Variants in RIPK4 observed in about 807,000 individuals in gnomAD.
The protein encoded by RIPK4 is receptor interacting serine/threonine kinase 4.
Under a neutral mutation model 42.9 loss-of-function variants are expected in RIPK4, and 17 were observed. That is an observed-to-expected ratio of 0.40 (90% confidence interval 0.27 to 0.59). The LOEUF is 0.59. RIPK4 is among the 20% of genes least tolerant of loss of function. RIPK4 has a pLI of 0.47. For synonymous variants in RIPK4, 498 were observed against 499.1 expected, an observed-to-expected ratio of 1.00 and a Z score of 0.03; for missense variants, 897 against 1,104.4, an observed-to-expected ratio of 0.81 and a Z score of 2.66.
intron 1 of RIPK4, among the ~76,000 whole-genome samples, chr21:41,760,440 G>T (rs2061217251): frequency 1.3e-5 from 2 of 152,188 alleles, no homozygotes; most frequent in Non-Finnish European, 2.9e-5. Context: ...GAGCTATGGA[G>T]AATCAAGAGA....
At chr21:41,757,917 T>C (rs954759836) in intron 1 of RIPK4, among the ~76,000 whole-genome samples, 1 of 144,000 alleles carries the variant, frequency 6.9e-6, no homozygotes, top group Non-Finnish European at 1.5e-5. Flanking sequence ...GAGAATCACT[T>C]GAACCTGGGA....
At position 41,740,942 on chromosome 21, in the gene RIPK4, C is replaced by T. The variant is rs1397981652; in HGVS notation, c.2251G>A (p.Val751Met). ...GCCCCATGCCTGAGCAGAGTCTCCACCGTCTGTGCGTGCCGGCCCTGGGCG... is the reference window on the plus strand; with the variant it reads ...GCCCCATGCCTGAGCAGAGTCTCCATCGTCTGTGCGTGCCGGCCCTGGGCG... ...LAAQGRHAQT[V>M]ETLLRHGAHI... The change falls in exon 8 of 8, where the codon GTG becomes ATG. Residue 751 changes from valine (V) to methionine (M), a missense_variant. Val to Met is a conservative substitution (Grantham distance 21). Coordinates refer to ENST00000332512, the MANE Select transcript of RIPK4 (RefSeq NM_020639.3). The T allele has an allele frequency of 3.7e-6, 6 of 1,612,646 alleles. No individual in the cohort carries two copies. The highest frequency in any genetic ancestry group is 1.7e-5 in the Admixed American group (1 of 60,020).
At position 41,746,181 on chromosome 21, in the gene RIPK4, G is replaced by A. The variant is rs76148570; in HGVS notation, c.833-319C>T. 5,315 of 637,444 alleles carry A rather than the reference G, an allele frequency of 8.3e-3. 194 individuals are homozygous for A. The highest frequency in any genetic ancestry group is 0.082 in the African/African-American group (4,613 of 56,114). The allele number at this position is 637,444 out of a possible 1,614,324, so 39.5% of individuals were successfully genotyped here. On this transcript the variant is annotated intron_variant, in intron 5 of 7. Transcript: ENST00000332512. ...CCATTCAGCCCGTTTCCTGCCGTAA[G>A]CTTTAAATGCAGCAGTTTCCATCTC...
intron 5 of RIPK4, among the ~76,000 whole-genome samples, chr21:41,746,355 G>A (rs2061171207): frequency 1.3e-5 from 2 of 152,246 alleles, no homozygotes; most frequent in South Asian, 4.1e-4. Context: ...AGACTCCTCT[G>A]GGTGGCAAGC....
In RIPK4 at chr21:41,751,196, T is replaced by A. The variant is rs770200458; in HGVS notation, c.524A>T (p.Asp175Val). ...AKCNGLSHSHDLSMDGLFGTI... is the reference protein window; with the variant it reads ...AKCNGLSHSHVLSMDGLFGTI... ...GCCAAACAGGCCATCCATGCTGAGGTCATGCGAGTGGGACAGCCCGTTGCA... is the reference window on the plus strand; with the variant it reads ...GCCAAACAGGCCATCCATGCTGAGGACATGCGAGTGGGACAGCCCGTTGCA... The change falls in exon 3 of 8, where the codon GAC becomes GTC. Residue 175 changes from aspartate to valine, a missense_variant. By Grantham distance (152) the Asp-to-Val change is radical. Transcript: ENST00000332512. The surrounding 1 kb of genome is among the most constrained non-coding windows in gnomAD (Gnocchi z 4.5). The A allele has an allele frequency of 1.2e-6, 2 of 1,614,012 alleles. No homozygotes were observed. The highest frequency in any genetic ancestry group is 1.7e-6 in the Non-Finnish European group (2 of 1,180,016).
In RIPK4 at chr21:41,751,013, C is replaced by A; in HGVS notation, c.623+84G>T. On this transcript the variant is annotated intron_variant, in intron 3 of 7. Transcript: ENST00000332512. This position sits in a 1 kb window ranked among gnomAD's most constrained non-coding sequence, Gnocchi z 4.5. Reference sequence around the variant, plus strand: ...TTCTGACTGGCAGCAAGAGGCCTTTCTGAAAGCTGCAGCTCAGGGCATGAA... The same window carrying A: ...TTCTGACTGGCAGCAAGAGGCCTTTATGAAAGCTGCAGCTCAGGGCATGAA... The A allele has an allele frequency of 3.3e-6, 5 of 1,518,338 alleles. No individual in the cohort carries two copies. The highest frequency in any genetic ancestry group is 4.4e-6 in the Non-Finnish European group (5 of 1,127,352). 94.1% of individuals were successfully genotyped at this position (1,518,338 alleles called of 1,614,324 possible).
intron 4 of RIPK4, among the ~76,000 whole-genome samples, chr21:41,747,261 G>T (rs1158159807): frequency 6.6e-6 from 1 of 152,194 alleles, no homozygotes; most frequent in Non-Finnish European, 1.5e-5. Flanking sequence ...CAGGTCCCCA[G>T]CTGGCCTCCC....
chr21:41,741,283 G>A lies in RIPK4; in HGVS notation c.1910C>T (p.Ala637Val). The change falls in exon 8 of 8, where the codon GCA becomes GTA. Residue 637 changes from alanine to valine, a missense_variant. Transcript: ENST00000332512. Reference protein sequence around the residue: ...CSDVNVCSLLAQTPLHVAAET... With the variant: ...CSDVNVCSLLVQTPLHVAAET... ...CGCGGCCACGTGCAGGGGTGTCTGT[G>A]CCAGCAGGCTGCAGACGTTGACGTC... 2 of 1,608,118 alleles carry A rather than the reference G, an allele frequency of 1.2e-6. No individual in the cohort carries two copies. The highest frequency in any genetic ancestry group is 1.7e-6 in the Non-Finnish European group (2 of 1,179,652).
chr21:41,758,728 T>G (rs958530172), intron 1 of RIPK4, among the ~76,000 whole-genome samples: 3 of 152,262 alleles, frequency 2.0e-5, no homozygotes, highest in Non-Finnish European at 2.9e-5. Context: ...GCTTTTGCAC[T>G]TCAAAGGGGA....
At chr21:41,756,955 G>A in intron 1 of RIPK4, 139 bp from the exon 2 acceptor site, 1 of 835,304 alleles carries the variant, frequency 1.2e-6, no homozygotes, top group Middle Eastern at 2.7e-4. Flanking sequence ...ACACTTCAAT[G>A]TCACATCACG....
chr21:41,763,430 C>G (rs530639843), intron 1 of RIPK4, among the ~76,000 whole-genome samples: 1 of 152,074 alleles, frequency 6.6e-6, no homozygotes, highest in Non-Finnish European at 1.5e-5. Flanking sequence ...CCTGCAAGCA[C>G]GCATCCTGGA....
chr21:41,750,107 A>T (rs1239814868), intron 3 of RIPK4, among the ~76,000 whole-genome samples: 1 of 152,198 alleles, frequency 6.6e-6, no homozygotes, highest in Non-Finnish European at 1.5e-5. Context: ...CCAAAGTGAC[A>T]CTTCCAGGCA....
chr21:41,764,200 G>A (rs2061229508), intron 1 of RIPK4, among the ~76,000 whole-genome samples: 1 of 152,202 alleles, frequency 6.6e-6, no homozygotes, highest in Admixed American at 6.5e-5. Flanking sequence ...AAGCTCACAT[G>A]GCCTGGCGCA....
chr21:41,743,142 C>T (rs2061159808), intron 7 of RIPK4, among the ~76,000 whole-genome samples: 1 of 152,116 alleles, frequency 6.6e-6, no homozygotes, highest in Admixed American at 6.5e-5. Context: ...GGCCCTCAGC[C>T]CCCGTGGCTG....
At position 41,749,351 on chromosome 21, in the gene RIPK4, A is replaced by G. The variant is rs558364738; in HGVS notation, c.624-148T>C. 1.4e-5 allele frequency: 11 copies of G among 773,366 alleles called. No homozygotes were observed. In the Admixed American group the frequency reaches 2.5e-4, roughly 17 times the overall value. The allele number at this position is 773,366 out of a possible 1,614,324, so 47.9% of individuals were successfully genotyped here. A position where few individuals can be genotyped will look rare whatever the true frequency, so the allele number is the denominator to read the frequency against. ...CCGAGATATTTCTCCTGTTTTTAAA[A>G]AGAGAAAATTCTCTATAGTGAAGCC... is the stretch of plus-strand genomic sequence containing the variant. On this transcript the variant is annotated intron_variant, in intron 3 of 7. Transcript: ENST00000332512.
chr21:41,763,309 G>A (rs1379598445), intron 1 of RIPK4, among the ~76,000 whole-genome samples: 1 of 151,600 alleles, frequency 6.6e-6, no homozygotes, highest in African/African-American at 2.4e-5. Context: ...AGAAATACGA[G>A]AAATATCATC....
rs1372719804 is a variant in RIPK4 at position 41,744,120 on chromosome 21, C to A, written c.957G>T (p.Lys319Asn). The A allele has an allele frequency of 6.3e-7, 1 of 1,598,088 alleles. No individual in the cohort carries two copies. The highest frequency in any genetic ancestry group is 2.2e-5 in the East Asian group (1 of 44,498). ...TATCGAAGGTGGGGGCAGAGGCCCG[C>A]TTGAGCCTCGCAGGCACCACCTGCG... The part of the protein sequence containing the change: ...PRSEVVPARL[K>N]RASAPTFDND... The change falls in exon 7 of 8, where the codon AAG becomes AAT. Residue 319 changes from lysine (K) to asparagine (N), a missense_variant. Coordinates refer to ENST00000332512, the MANE Select transcript of RIPK4 (RefSeq NM_020639.3).
At chr21:41,761,195 T>TC (rs1364896804) in intron 1 of RIPK4, among the ~76,000 whole-genome samples, 1 of 152,156 alleles carries the variant, frequency 6.6e-6, no homozygotes, top group African/African-American at 2.4e-5. Flanking sequence ...GATGCCAACG[T>TC]CAAGCATCAG....
Position 41,761,468 on chromosome 21 carries a change from G to A in RIPK4, c.183-4652C>T, listed in dbSNP as rs114413205. Among the ~76,000 whole-genome samples the A allele has an allele frequency of 3.4e-3, 523 of 152,294 alleles. 4 individuals are homozygous for A. The highest frequency in any genetic ancestry group is 0.012 in the African/African-American group (504 of 41,550). ...ATTGCTCAAATGTGGCCAGCTTGCC[G>A]CCCCTCCCCTACCAGTGTGGCCTCC... is the stretch of plus-strand genomic sequence containing the variant. On this transcript the variant is annotated intron_variant, in intron 1 of 7. Transcript: ENST00000332512.
Sources: allele counts gnomAD v4.1 joint callset (sites outside exome capture counted in the v4.1 genomes callset), GRCh38; gene constraint gnomAD v4.1.1; non-coding constraint Gnocchi (gnomAD v3.1); transcripts MANE v1.5; gene names NCBI Gene and HGNC (gene_info 2026-07-23, HGNC 2026-07-21).